ING2: variants seen among roughly 807,000 people sequenced by gnomAD.
The protein encoded by ING2 is inhibitor of growth family member 2.
Under a neutral mutation model 30.6 loss-of-function variants are expected in ING2, and 7 were observed. That is an observed-to-expected ratio of 0.23 (90% CI 0.13 to 0.43). ING2 has a LOEUF of 0.43. Among genes scored for constraint, ING2 ranks in the 20% least tolerant of loss-of-function variants. ING2 has a pLI of 1.00. For missense variants in ING2, 239 were observed against 334.9 expected (o/e 0.71, Z 2.24); for synonymous variants, 136 against 121.7 (o/e 1.12, Z -0.78).
At position 183,510,775 on chromosome 4, in the gene ING2, T is replaced by C; in HGVS notation, c.666T>C (p.Tyr222=). 1.2e-6 allele frequency: 2 copies of C among 1,614,236 alleles called. No homozygotes were observed. Among genetic ancestry groups the C allele is most frequent in the Non-Finnish European group, 1.7e-6 (2 of 1,180,042 alleles). ...PTYCLCNQVS[Y]GEMIGCDNEQ... The stretch of plus-strand genomic sequence containing the variant: ...ACTGCTTATGCAACCAAGTGTCTTA[T>C]GGGGAGATGATAGGATGTGACAATG... Residue 222 remains tyrosine (Y), a synonymous_variant, in exon 2 of 2, where the codon TAT becomes TAC. Transcript: ENST00000302327.
chr4:183,505,746 GGCTCCC>G (rs1734620978), intron 1 of ING2, among the ~76,000 whole-genome samples: 1 of 152,088 alleles, frequency 6.6e-6, no homozygotes, highest in South Asian at 2.1e-4. Flanking sequence ...TGAGCGGCCG[GGCTCCC>G]GCTGGTCTGC....
intron 1 of ING2, chr4:183,506,290 G>C: frequency 7.7e-7 from 1 of 1,304,314 alleles, no homozygotes; most frequent in South Asian, 1.2e-5. Flanking sequence ...GCGATCAGCA[G>C]CTCGGACCGT....
Position 183,505,200 on chromosome 4 carries a change from T to A in ING2, c.5T>A (p.Leu2Ter). Residue 2 changes from leucine to a stop codon, truncating the protein, a stop_gained, in exon 1 of 2, where the codon TTA (leucine) becomes TAA (stop). Coordinates refer to ENST00000302327, the MANE Select transcript of ING2 (RefSeq NM_001564.4). LOFTEE classifies it high-confidence loss of function. M[L>*]GQQQQQLYSS... is the part of the protein sequence containing the mutation. ...GCGACGGCGCGGATCGGCAGGATGT[T>A]AGGGCAGCAGCAGCAGCAACTGTAC... 1 of 1,599,538 alleles carries A rather than the reference T, an allele frequency of 6.3e-7. No individual in the cohort carries two copies. Among genetic ancestry groups the A allele is most frequent in the Non-Finnish European group, 8.5e-7 (1 of 1,174,518 alleles).
Position 183,511,741 on chromosome 4 carries a change from A to G in ING2, c.*789A>G, listed in dbSNP as rs1734825461. Among the ~76,000 whole-genome samples the G allele has an allele frequency of 6.6e-6, 1 of 152,234 alleles. No homozygotes were observed. Among genetic ancestry groups the G allele is most frequent in the African/African-American group, 2.4e-5 (1 of 41,466 alleles). On this transcript the variant is annotated 3_prime_UTR_variant, in exon 2 of 2. Coordinates refer to ENST00000302327, the MANE Select transcript of ING2 (RefSeq NM_001564.4). ...ATAGTATCACGGCTCAAGGTTGAAC[A>G]ATTTAAAAATACATCTTAATTAATA...
In ING2 at chr4:183,511,021, T is replaced by C. The variant is rs760101718; in HGVS notation, c.*69T>C. ...ATTCGTTTGCTTTCAGAAAATGTTT[T>C]AGGGTAAATGCATAAGACTATGCAA... On this transcript the variant is annotated 3_prime_UTR_variant, in exon 2 of 2. Coordinates refer to ENST00000302327, the MANE Select transcript of ING2 (RefSeq NM_001564.4). 1.0e-4 allele frequency: 126 copies of C among 1,226,154 alleles called. No individual in the cohort carries two copies. Among genetic ancestry groups the C allele is most frequent in the Non-Finnish European group, 1.4e-4 (125 of 888,720 alleles). The allele number at this position is 1,226,154 out of a possible 1,614,324, so 76.0% of individuals were successfully genotyped here.
At chr4:183,506,413 GACTTT>G in intron 1 of ING2, 1 of 899,588 alleles carries the variant, frequency 1.1e-6, no homozygotes, top group Non-Finnish European at 1.6e-6. Context: ...CTCCTTCTCC[GACTTT>G]AAGTGTGGAG....
intron 1 of ING2, among the ~76,000 whole-genome samples, chr4:183,508,791 A>T (rs558128690): frequency 3.9e-5 from 6 of 152,356 alleles, no homozygotes; most frequent in African/African-American, 1.2e-4. Flanking sequence ...ATCTTGTAAG[A>T]ATAAGAAATA....
chr4:183,508,268 A>G (rs1734726350), intron 1 of ING2, among the ~76,000 whole-genome samples: 1 of 152,162 alleles, frequency 6.6e-6, no homozygotes, highest in East Asian at 1.9e-4. Flanking sequence ...TATCTCATCT[A>G]TCAATGTGCT....
rs56268041 is a variant in ING2 at position 183,508,158 on chromosome 4, T to G, written c.173-2124T>G. Among the ~76,000 whole-genome samples, 230 of 152,138 alleles carry G rather than the reference T, an allele frequency of 1.5e-3. 1 individual carries two copies. The highest frequency in any genetic ancestry group is 5.3e-3 in the African/African-American group (218 of 41,516). ...TGATGGCTTCCTCATGGGGTTGCTG[T>G]GGAGATTAACTGAGAAAATCTTTAC... On this transcript the variant is annotated intron_variant, in intron 1 of 1. Transcript: ENST00000302327.
rs1265808777 is a variant in ING2 at position 183,510,272 on chromosome 4, C to T, written c.173-10C>T. The stretch of plus-strand genomic sequence containing the variant: ...TGATAACGTTCTCATTTTTCTTTTC[C>T]TTTTTTTAGAAACGTTAAAGGAAAT... On this transcript the variant is annotated splice_polypyrimidine_tract_variant and intron_variant, in intron 1 of 1. Transcript: ENST00000302327. 1 of 1,539,784 alleles carries T rather than the reference C, an allele frequency of 6.5e-7. No homozygotes were observed. Among genetic ancestry groups the T allele is most frequent in the Non-Finnish European group, 8.8e-7 (1 of 1,141,484 alleles).
Position 183,506,164 on chromosome 4 carries a change from A to G in ING2, c.172+797A>G, listed in dbSNP as rs866863018. The G allele has an allele frequency of 3.8e-5, 48 of 1,269,072 alleles. No homozygotes were observed. In the African/African-American group the frequency reaches 5.9e-4, roughly 16 times the overall value. The allele number at this position is 1,269,072 out of a possible 1,614,324, so 78.6% of individuals were successfully genotyped here. A position where few individuals can be genotyped will look rare whatever the true frequency, so the allele number is the denominator to read the frequency against. Reference sequence around the variant, plus strand: ...GGCGGTGGCGAGCTGGCTGCTGGGGAGGGAGTCGGGGCTGTGCGGGGGCGT... The same window carrying G: ...GGCGGTGGCGAGCTGGCTGCTGGGGGGGGAGTCGGGGCTGTGCGGGGGCGT... On this transcript the variant is annotated intron_variant, in intron 1 of 1. Coordinates refer to ENST00000302327, the MANE Select transcript of ING2 (RefSeq NM_001564.4).
At chr4:183,506,910 G>C (rs1734662100) in intron 1 of ING2, among the ~76,000 whole-genome samples, 2 of 152,156 alleles carry the variant, frequency 1.3e-5, no homozygotes, top group Admixed American at 1.3e-4. Flanking sequence ...AGAATATTTG[G>C]CTCCAGAGCC....
At chr4:183,508,155 C>T (rs1213834372) in intron 1 of ING2, among the ~76,000 whole-genome samples, 4 of 151,836 alleles carry the variant, frequency 2.6e-5, no homozygotes, top group Non-Finnish European at 5.9e-5. Flanking sequence ...CATGGGGTTG[C>T]TGTGGAGATT....
intron 1 of ING2, among the ~76,000 whole-genome samples, chr4:183,509,927 G>T (rs1306661355): frequency 2.7e-5 from 4 of 147,296 alleles, no homozygotes; most frequent in South Asian, 2.1e-4. Context: ...GTAGAGACAG[G>T]GTTTCACTAT....
chr4:183,506,606 C>T (rs929355744), intron 1 of ING2, among the ~76,000 whole-genome samples: 8 of 152,182 alleles, frequency 5.3e-5, no homozygotes, highest in Non-Finnish European at 1.2e-4. Flanking sequence ...AACAGCCATA[C>T]GAACTTTAAA....
At chr4:183,507,948 T>C (rs1292759777) in intron 1 of ING2, among the ~76,000 whole-genome samples, 1 of 152,162 alleles carries the variant, frequency 6.6e-6, no homozygotes, top group Admixed American at 6.5e-5. Context: ...TTTATTCTAG[T>C]GTTCCCACTC....
chr4:183,511,895 T>C lies in ING2; in HGVS notation c.*943T>C, dbSNP rs149841533. On this transcript the variant is annotated 3_prime_UTR_variant, in exon 2 of 2. Coordinates refer to ENST00000302327, the MANE Select transcript of ING2 (RefSeq NM_001564.4). ...TTTAAATGGTTTTGCTAGTGGTTATTGTTCATTTCTGTCCCAATCAGTGAC... is the reference window on the plus strand; with the variant it reads ...TTTAAATGGTTTTGCTAGTGGTTATCGTTCATTTCTGTCCCAATCAGTGAC... Among the ~76,000 whole-genome samples the C allele has an allele frequency of 1.3e-5, 2 of 152,372 alleles. No homozygotes were observed. Among genetic ancestry groups the C allele is most frequent in the African/African-American group, 4.8e-5 (2 of 41,594 alleles).
intron 1 of ING2, among the ~76,000 whole-genome samples, chr4:183,508,092 G>A (rs1409821301): frequency 6.6e-6 from 1 of 151,888 alleles, no homozygotes; most frequent in Non-Finnish European, 1.5e-5. Context: ...AAAGTCTGGG[G>A]TTCTTATCTC....
chr4:183,510,670 G>A lies in ING2; in HGVS notation c.561G>A (p.Lys187=). 6.2e-7 allele frequency: 1 copy of A among 1,614,164 alleles called. No individual in the cohort carries two copies. Among genetic ancestry groups the A allele is most frequent in the Non-Finnish European group, 8.5e-7 (1 of 1,180,010 alleles). The part of the protein sequence containing the change: ...PPKEKKSKSA[K]KKKRSKAKQE... ...AAGAAAAGAAATCCAAGTCAGCAAA[G>A]AAAAAGAAACGCTCCAAGGCCAAGC... The change falls in exon 2 of 2, where the codon AAG becomes AAA. Residue 187 remains lysine, a synonymous_variant. Coordinates refer to ENST00000302327, the MANE Select transcript of ING2 (RefSeq NM_001564.4).
Sources: allele counts gnomAD v4.1 joint callset (sites outside exome capture counted in the v4.1 genomes callset), GRCh38; gene constraint gnomAD v4.1.1; transcripts MANE v1.5; gene names NCBI Gene and HGNC (gene_info 2026-07-23, HGNC 2026-07-21).